Variants in CUL3 observed in about 807,000 individuals in gnomAD.
CUL3 encodes cullin-3.
A neutral mutation model predicts 89.1 loss-of-function variants in CUL3; 19 were observed. The observed-to-expected ratio is 0.21, with a 90% confidence interval of 0.15 to 0.31. The LOEUF (loss-of-function observed/expected upper bound fraction) is 0.31, where lower values mean the gene tolerates loss of function less well. Among genes scored for constraint, CUL3 ranks in the 10% least tolerant of loss-of-function variants. CUL3 has a pLI of 1.00. For missense variants in CUL3, 469 were observed against 942.3 expected (o/e 0.50, Z 6.58); for synonymous variants, 351 against 308.4 (o/e 1.14, Z -1.45).
intron 3 of CUL3, among the ~76,000 whole-genome samples, chr2:224,524,831 C>A (rs1178600519): frequency 2.0e-5 from 3 of 152,124 alleles, no homozygotes; most frequent in Non-Finnish European, 4.4e-5. Flanking sequence ...AGTATAAAAA[C>A]CAAAGGGGAA....
chr2:224,490,263 A>T (rs959504846), intron 13 of CUL3, among the ~76,000 whole-genome samples: 2 of 152,188 alleles, frequency 1.3e-5, no homozygotes, highest in African/African-American at 4.8e-5. Context: ...AAAATTAGTG[A>T]AAGTACTAAA....
chr2:224,570,194 T>C (rs1290758870), intron 1 of CUL3, among the ~76,000 whole-genome samples: 1 of 151,616 alleles, frequency 6.6e-6, no homozygotes, highest in Non-Finnish European at 1.5e-5. Flanking sequence ...TGATAAGGAG[T>C]CTTATTTGAT....
chr2:224,513,731 G>A, intron 4 of CUL3, 93 bp from the exon 5 acceptor site: 1 of 829,464 alleles, frequency 1.2e-6, no homozygotes, highest in South Asian at 1.8e-5. Flanking sequence ...ATATCTTCAG[G>A]ACATTTAACT....
chr2:224,472,296 G>A lies in CUL3; in HGVS notation c.*1949C>T, dbSNP rs1375054201. 5 of 214,922 alleles carry A rather than the reference G, an allele frequency of 2.3e-5. No homozygotes were observed. Among genetic ancestry groups the A allele is most frequent in the Non-Finnish European group, 4.7e-5 (5 of 106,758 alleles). The allele number at this position is 214,922 out of a possible 1,614,324, so 13.3% of individuals were successfully genotyped here. A position where few individuals can be genotyped will look rare whatever the true frequency, so the allele number is the denominator to read the frequency against. On this transcript the variant is annotated 3_prime_UTR_variant, in exon 16 of 16. Coordinates refer to ENST00000264414, the MANE Select transcript of CUL3 (RefSeq NM_003590.5). ...TAATGGCTTAAACTAGCACTAAAAT[G>A]TTTAATGTCTCACTTAGGAGATTTC... is the stretch of plus-strand genomic sequence containing the variant.
intron 1 of CUL3, among the ~76,000 whole-genome samples, chr2:224,572,359 G>A (rs941049157): frequency 1.3e-5 from 2 of 151,896 alleles, no homozygotes; most frequent in Non-Finnish European, 2.9e-5. Context: ...TAAAAGGTAC[G>A]GCAATGCAGG....
rs2106216295 is a variant in CUL3 at position 224,511,573 on chromosome 2, G to A, written c.664C>T (p.Gln222Ter). The A allele has an allele frequency of 6.4e-7, 1 of 1,562,502 alleles. No individual in the cohort carries two copies. Among genetic ancestry groups the A allele is most frequent in the Non-Finnish European group, 8.7e-7 (1 of 1,155,702 alleles). Reference protein sequence around the residue: ...MSAEFFQMESQKFLAENSASV... With the variant: ...MSAEFFQMES Reference sequence around the variant, plus strand: ...GCACTATTTTCTGCTAAAAATTTCTGGCTTTCCATCTGCCATTTAAAAATA... The same window carrying A: ...GCACTATTTTCTGCTAAAAATTTCTAGCTTTCCATCTGCCATTTAAAAATA... Residue 222 changes from glutamine to a stop codon, truncating the protein, a stop_gained, in exon 6 of 16, where the codon CAG becomes TAG. Coordinates refer to ENST00000264414, the MANE Select transcript of CUL3 (RefSeq NM_003590.5). LOFTEE classifies it high-confidence loss of function.
chr2:224,534,979 G>A (rs1693830039), intron 3 of CUL3, among the ~76,000 whole-genome samples: 1 of 150,146 alleles, frequency 6.7e-6, no homozygotes, highest in African/African-American at 2.5e-5. Context: ...CCAGCCTGGG[G>A]AACAGAGCGA....
chr2:224,550,885 G>A (rs569746807), intron 2 of CUL3, among the ~76,000 whole-genome samples: 12 of 151,940 alleles, frequency 7.9e-5, no homozygotes, highest in African/African-American at 1.4e-4. Flanking sequence ...GCTTCCTAAC[G>A]TACATATAAT....
At chr2:224,515,267 T>G (rs1692997489) in intron 3 of CUL3, among the ~76,000 whole-genome samples, 1 of 152,230 alleles carries the variant, frequency 6.6e-6, no homozygotes, top group African/African-American at 2.4e-5. Flanking sequence ...ATTACATAAT[T>G]AAAACACCTC....
chr2:224,564,947 T>C (rs768488580), intron 1 of CUL3, among the ~76,000 whole-genome samples: 2 of 152,210 alleles, frequency 1.3e-5, no homozygotes, highest in African/African-American at 2.4e-5. Context: ...TTTTTTCTTA[T>C]CTCTCATCTC....
chr2:224,500,125 G>A, intron 11 of CUL3: 2 of 379,212 alleles, frequency 5.3e-6, no homozygotes, highest in East Asian at 4.8e-5. Context: ...TAAATAAAAG[G>A]CATTTCAAAT....
At chr2:224,476,031 T>G (rs999516267) in intron 15 of CUL3, among the ~76,000 whole-genome samples, 10 of 94,238 alleles carry the variant, frequency 1.1e-4, no homozygotes, top group Admixed American at 5.7e-4. Context: ...TTTTTATTAG[T>G]TTTTTTTTTT....
intron 14 of CUL3, among the ~76,000 whole-genome samples, chr2:224,480,836 GCA>G (rs985619190): frequency 1.3e-4 from 20 of 152,070 alleles, no homozygotes; most frequent in African/African-American, 4.3e-4. Context: ...ACACTGGCTA[GCA>G]CAGTTTTGTT....
intron 14 of CUL3, among the ~76,000 whole-genome samples, chr2:224,481,508 C>G (rs567213195): frequency 3.3e-5 from 5 of 151,992 alleles, no homozygotes; most frequent in African/African-American, 1.2e-4. Context: ...TAGCAACATC[C>G]AAACATCAAA....
At position 224,569,771 on chromosome 2, in the gene CUL3, A is replaced by G. The variant is rs1024746147; in HGVS notation, c.67-11915T>C. Reference sequence around the variant, plus strand: ...AAATGAAAAGAAGTGAATTCTTAACATCTACTACATACAAAGGACAAGAAG... The same window carrying G: ...AAATGAAAAGAAGTGAATTCTTAACGTCTACTACATACAAAGGACAAGAAG... On this transcript the variant is annotated intron_variant, in intron 1 of 15. Transcript: ENST00000264414. The G allele has an allele frequency of 5.0e-6, 6 of 1,191,386 alleles. No homozygotes were observed. In the Admixed American group the frequency reaches 1.1e-4, roughly 22 times the overall value. The allele number at this position is 1,191,386 out of a possible 1,614,324, so 73.8% of individuals were successfully genotyped here. A position where few individuals can be genotyped will look rare whatever the true frequency, so the allele number is the denominator to read the frequency against.
At chr2:224,563,161 G>A (rs1313020047) in intron 1 of CUL3, 2 of 441,496 alleles carry the variant, frequency 4.5e-6, no homozygotes, top group East Asian at 7.2e-5. Flanking sequence ...CTAAAACAAA[G>A]GCACCTTAAG....
intron 7 of CUL3, among the ~76,000 whole-genome samples, 160 bp downstream of exon 7, chr2:224,506,698 T>C (rs893226082): frequency 1.3e-5 from 2 of 152,176 alleles, no homozygotes; most frequent in African/African-American, 4.8e-5. Flanking sequence ...TACGCACACC[T>C]TGCAAAATCC....
chr2:224,487,817 CTTA>C (rs1311179333), intron 13 of CUL3, among the ~76,000 whole-genome samples: 9 of 152,170 alleles, frequency 5.9e-5, no homozygotes, highest in Non-Finnish European at 8.8e-5. Context: ...CCATATCACA[CTTA>C]TTCTAATATT....
chr2:224,548,407 T>C (rs550343391), intron 2 of CUL3, among the ~76,000 whole-genome samples: 1 of 152,176 alleles, frequency 6.6e-6, no homozygotes, highest in Admixed American at 6.5e-5. Flanking sequence ...GACATACGGA[T>C]AGAAAAACTT....
Sources: allele counts gnomAD v4.1 joint callset (sites outside exome capture counted in the v4.1 genomes callset), GRCh38; gene constraint gnomAD v4.1.1; transcripts MANE v1.5; gene names NCBI Gene and HGNC (gene_info 2026-07-23, HGNC 2026-07-21).